TACR3: variants seen among roughly 807,000 people sequenced by gnomAD.
TACR3 encodes the protein neuromedin-K receptor.
A neutral mutation model predicts 35.0 loss-of-function variants in TACR3; 34 were observed. That is an observed-to-expected ratio of 0.97 (90% CI 0.74 to 1.30). The LOEUF (loss-of-function observed/expected upper bound fraction) is 1.30, where lower values mean the gene tolerates loss of function less well. Among genes scored for constraint, TACR3 ranks in the 50% most tolerant of loss-of-function variants. The probability of loss-of-function intolerance (pLI) is 0.00; values close to 1 mark genes in which losing one functional copy is unlikely to be tolerated. For missense variants in TACR3, 558 were observed against 591.7 expected (o/e 0.94, Z 0.59); for synonymous variants, 233 against 221.1 (o/e 1.05, Z -0.48).
chr4:103,595,836 G>A (rs369042897), intron 3 of TACR3, among the ~76,000 whole-genome samples: 1 of 150,390 alleles, frequency 6.6e-6, no homozygotes, highest in African/African-American at 2.5e-5. Flanking sequence ...TGCCATGCTG[G>A]TGTGCTGCAC....
chr4:103,684,217 C>T (rs1228236189), intron 1 of TACR3, among the ~76,000 whole-genome samples: 2 of 151,918 alleles, frequency 1.3e-5, no homozygotes, highest in Non-Finnish European at 2.9e-5. Context: ...GCTAAAAGTG[C>T]AGTAAGTCAT....
At chr4:103,712,073 G>A (rs1307884982) in intron 1 of TACR3, among the ~76,000 whole-genome samples, 18 of 151,854 alleles carry the variant, frequency 1.2e-4, no homozygotes, top group African/African-American at 3.6e-4. Context: ...TACTGCCCAA[G>A]GTAATTTATA....
chr4:103,718,425 A>C (rs926493912), intron 1 of TACR3, among the ~76,000 whole-genome samples: 2 of 152,238 alleles, frequency 1.3e-5, no homozygotes, highest in African/African-American at 4.8e-5. Context: ...ATGAGAAGGC[A>C]AAGGCACATA....
chr4:103,603,002 G>A (rs1307689285), intron 3 of TACR3, among the ~76,000 whole-genome samples: 1 of 152,260 alleles, frequency 6.6e-6, no homozygotes, highest in African/African-American at 2.4e-5. Context: ...AGCCTACAGA[G>A]GCAGGCAGGC....
chr4:103,640,448 T>G (rs1459923979), intron 3 of TACR3, among the ~76,000 whole-genome samples: 3 of 152,052 alleles, frequency 2.0e-5, no homozygotes, highest in Non-Finnish European at 4.4e-5. Flanking sequence ...ACATATTTGT[T>G]GGCCATTTGT....
intron 1 of TACR3, among the ~76,000 whole-genome samples, chr4:103,701,696 A>T (rs1722652491): frequency 6.6e-6 from 1 of 152,192 alleles, no homozygotes; most frequent in African/African-American, 2.4e-5. Flanking sequence ...TGGTACCAAA[A>T]CAGAGATATA....
chr4:103,718,737 A>T (rs1723143297), intron 1 of TACR3, among the ~76,000 whole-genome samples: 1 of 152,216 alleles, frequency 6.6e-6, no homozygotes, highest in Non-Finnish European at 1.5e-5. Context: ...TGACAGAGAG[A>T]AGGAAGGCCA....
chr4:103,658,709 G>T (rs1334894509), intron 1 of TACR3, among the ~76,000 whole-genome samples: 1 of 152,164 alleles, frequency 6.6e-6, no homozygotes, highest in Non-Finnish European at 1.5e-5. Flanking sequence ...ATCAACAGAT[G>T]TAAGTCAGCG....
intron 3 of TACR3, among the ~76,000 whole-genome samples, chr4:103,655,795 G>T (rs1725721872): frequency 6.6e-6 from 1 of 152,064 alleles, no homozygotes; most frequent in African/African-American, 2.4e-5. Flanking sequence ...TTCTAGAAGA[G>T]ATGTCATTCC....
rs377085928 is a variant in TACR3, at chr4:103,636,556, AAGCT to A, written c.888+19634_888+19637del. Among the ~76,000 whole-genome samples, 855 of 152,242 alleles carry A rather than the reference AAGCT, an allele frequency of 5.6e-3. 5 individuals carry two copies. Among genetic ancestry groups the A allele is most frequent in the African/African-American group, 0.02 (815 of 41,558 alleles). ...TCAGTGGTACTGGTAACACATTCAAAAGCTAGCAGAAGGCAAGAAATAACTAAGA... is the reference window on the plus strand; with the variant it reads ...TCAGTGGTACTGGTAACACATTCAAAAGCAGAAGGCAAGAAATAACTAAGA... On this transcript the variant is annotated intron_variant, in intron 3 of 4. Transcript: ENST00000304883.
intron 1 of TACR3, among the ~76,000 whole-genome samples, chr4:103,675,366 T>A (rs1726146574): frequency 6.6e-6 from 1 of 152,224 alleles, no homozygotes; most frequent in South Asian, 2.1e-4. Context: ...CTAGACATCT[T>A]ATCTTTCCCC....
intron 3 of TACR3, among the ~76,000 whole-genome samples, chr4:103,602,034 A>C (rs1724217716): frequency 6.6e-6 from 1 of 152,188 alleles, no homozygotes; most frequent in South Asian, 2.1e-4. Context: ...AATCAGACGT[A>C]GATTTGGTCT....
intron 3 of TACR3, among the ~76,000 whole-genome samples, chr4:103,637,723 A>G (rs576723440): frequency 4.6e-5 from 7 of 152,322 alleles, no homozygotes; most frequent in African/African-American, 1.7e-4. Flanking sequence ...CCTTAAGCTG[A>G]TAAGCAACTT....
intron 3 of TACR3, among the ~76,000 whole-genome samples, chr4:103,599,651 T>C (rs34526303): frequency 6.6e-6 from 1 of 152,116 alleles, no homozygotes; most frequent in Non-Finnish European, 1.5e-5. Flanking sequence ...TTTATTGAGA[T>C]TTTTTAGCAT....
intron 3 of TACR3, among the ~76,000 whole-genome samples, chr4:103,654,560 G>A (rs552593209): frequency 1.0e-5 from 1 of 97,350 alleles, no homozygotes; most frequent in African/African-American, 4.1e-5. Flanking sequence ...GTGGGGGGAG[G>A]GGGGAGGGAT....
At chr4:103,683,917 TG>T (rs1337446217) in intron 1 of TACR3, among the ~76,000 whole-genome samples, 1 of 152,054 alleles carries the variant, frequency 6.6e-6, no homozygotes, top group Non-Finnish European at 1.5e-5. Context: ...AAATGGTATT[TG>T]TTTACATAAT....
At chr4:103,673,571 C>G (rs1364282078) in intron 1 of TACR3, among the ~76,000 whole-genome samples, 3 of 152,200 alleles carry the variant, frequency 2.0e-5, no homozygotes, top group Admixed American at 6.5e-5. Context: ...CATCAATGAT[C>G]TCTGATCATA....
At chr4:103,603,350 A>C (rs544726288) in intron 3 of TACR3, among the ~76,000 whole-genome samples, 1 of 152,148 alleles carries the variant, frequency 6.6e-6, no homozygotes, top group African/African-American at 2.4e-5. Flanking sequence ...TTCCCGGGTG[A>C]GGTTATGCCT....
chr4:103,596,939 T>A (rs13115813), intron 3 of TACR3, among the ~76,000 whole-genome samples: 1 of 151,998 alleles, frequency 6.6e-6, no homozygotes, highest in Non-Finnish European at 1.5e-5. Flanking sequence ...ACTCATCATT[T>A]TTTATGGCTG....
Sources: allele counts gnomAD v4.1 joint callset (sites outside exome capture counted in the v4.1 genomes callset), GRCh38; gene constraint gnomAD v4.1.1; transcripts MANE v1.5; gene names NCBI Gene and HGNC (gene_info 2026-07-23, HGNC 2026-07-21).